Variants in CTNNBL1 observed in about 807,000 individuals in gnomAD.
CTNNBL1 encodes the protein catenin beta like 1.
Under a neutral mutation model 72.7 loss-of-function variants are expected in CTNNBL1, and 31 were observed. The observed-to-expected ratio is 0.43, with a 90% CI of 0.32 to 0.58. CTNNBL1 has a LOEUF of 0.58. Among genes scored for constraint, CTNNBL1 ranks in the 20% least tolerant of loss-of-function variants. The pLI is 0.08. For synonymous variants in CTNNBL1, 240 were observed against 267.3 expected, an observed-to-expected ratio of 0.90 and a Z score of 1.00; for missense variants, 534 against 725.1, an observed-to-expected ratio of 0.74 and a Z score of 3.03.
intron 3 of CTNNBL1, among the ~76,000 whole-genome samples, chr20:37,741,277 G>A (rs532517324): frequency 6.6e-6 from 1 of 152,316 alleles, no homozygotes; most frequent in South Asian, 2.1e-4. Context: ...AGTAGTGTGT[G>A]CTTTAAATGA....
Position 37,842,426 on chromosome 20 carries a change from A to T in CTNNBL1, c.1392+7A>T, listed in dbSNP as rs771275707. 1 of 1,607,860 alleles carries T rather than the reference A, an allele frequency of 6.2e-7. No homozygotes were observed. Among genetic ancestry groups the T allele is most frequent in the Non-Finnish European group, 8.5e-7 (1 of 1,174,310 alleles). ...GATTGAAGGGGAAAAACACGTATGT[A>T]TCCCTGCCTCACTTTTGCCAGCTAT... On this transcript the variant is annotated splice_region_variant and intron_variant, in intron 13 of 15. Coordinates refer to ENST00000361383, the MANE Select transcript of CTNNBL1 (RefSeq NM_030877.5).
chr20:37,744,091 G>A (rs2073241833), intron 3 of CTNNBL1, among the ~76,000 whole-genome samples: 1 of 152,076 alleles, frequency 6.6e-6, no homozygotes, highest in Non-Finnish European at 1.5e-5. Context: ...TTAATATACG[G>A]TGTTTATAAA....
chr20:37,862,871 A>G (rs1415968158), intron 15 of CTNNBL1, among the ~76,000 whole-genome samples: 1 of 152,128 alleles, frequency 6.6e-6, no homozygotes, highest in Non-Finnish European at 1.5e-5. Context: ...CTCTGCATCC[A>G]TTATTCCCAT....
At chr20:37,847,798 G>A (rs2235463) in intron 13 of CTNNBL1, 57,624 of 152,512 alleles carry the variant, frequency 0.38, 11,243 homozygotes, top group Admixed American at 0.49. Context: ...AGTTTGCACC[G>A]TAATGACTTA....
chr20:37,834,650 A>G (rs979162150), intron 11 of CTNNBL1, among the ~76,000 whole-genome samples: 1 of 152,174 alleles, frequency 6.6e-6, no homozygotes, highest in African/African-American at 2.4e-5. Context: ...GAAGCATAAC[A>G]TGGTAGGAAA....
chr20:37,789,481 T>G (rs536487242), intron 10 of CTNNBL1, among the ~76,000 whole-genome samples: 1 of 152,196 alleles, frequency 6.6e-6, no homozygotes, highest in Non-Finnish European at 1.5e-5. Context: ...GTGATCAGAT[T>G]CAGAGGTTCC....
intron 13 of CTNNBL1, among the ~76,000 whole-genome samples, chr20:37,856,314 G>GCA (rs2072440618): frequency 1.3e-5 from 2 of 152,036 alleles, no homozygotes; most frequent in South Asian, 4.1e-4. Context: ...CAAGGAAGAG[G>GCA]CACAGATCTG....
chr20:37,770,330 T>A lies in CTNNBL1; in HGVS notation c.750+2286T>A, dbSNP rs574413910. Reference sequence around the variant, plus strand: ...CTTGAGACATTTTGGGAACAACCAGTGGAGGAGAGGAAAGTAGAGCACCGA... The same window carrying A: ...CTTGAGACATTTTGGGAACAACCAGAGGAGGAGAGGAAAGTAGAGCACCGA... On this transcript the variant is annotated intron_variant, in intron 7 of 15. Transcript: ENST00000361383. Among the ~76,000 whole-genome samples the A allele has an allele frequency of 3.9e-5, 6 of 152,238 alleles. No individual in the cohort carries two copies. The South Asian group carries it at 8.3e-4, about 21-fold the overall frequency.
chr20:37,747,966 T>G (rs780744774), intron 4 of CTNNBL1, among the ~76,000 whole-genome samples: 4 of 152,236 alleles, frequency 2.6e-5, no homozygotes, highest in African/African-American at 4.8e-5. Context: ...AAAACCATTT[T>G]ATACTTTATC....
In CTNNBL1 at chr20:37,702,056, T is replaced by A. The variant is rs191139003; in HGVS notation, c.30+7904T>A. Among the ~76,000 whole-genome samples the A allele has an allele frequency of 5.9e-5, 9 of 152,344 alleles. No individual in the cohort carries two copies. The East Asian group carries it at 9.6e-4, about 16-fold the overall frequency. On this transcript the variant is annotated intron_variant, in intron 1 of 15. Coordinates refer to ENST00000361383, the MANE Select transcript of CTNNBL1 (RefSeq NM_030877.5). The stretch of plus-strand genomic sequence containing the variant: ...TTCCAATTTTATTACAACCTTTTTT[T>A]AAAAAATAGAATCAGGGCCTCCCTG...
At chr20:37,718,812 G>A (rs1052097054) in intron 1 of CTNNBL1, among the ~76,000 whole-genome samples, 4 of 152,252 alleles carry the variant, frequency 2.6e-5, no homozygotes, top group Non-Finnish European at 4.4e-5. Flanking sequence ...AGTGTTGGCT[G>A]AAAGATGATG....
At chr20:37,760,499 T>C (rs1234294580) in intron 5 of CTNNBL1, among the ~76,000 whole-genome samples, 2 of 152,230 alleles carry the variant, frequency 1.3e-5, no homozygotes, top group African/African-American at 4.8e-5. Flanking sequence ...ACTTGTCACA[T>C]TGGATTATAG....
intron 5 of CTNNBL1, among the ~76,000 whole-genome samples, chr20:37,764,369 C>T (rs1185158529): frequency 6.6e-6 from 1 of 152,170 alleles, no homozygotes; most frequent in Non-Finnish European, 1.5e-5. Context: ...TACCTAAGGG[C>T]AGTCTCCTTA....
rs1460664552 is a variant in CTNNBL1, at chr20:37,788,299, T to G, written c.1031+8964T>G. On this transcript the variant is annotated intron_variant, in intron 10 of 15. Coordinates refer to ENST00000361383, the MANE Select transcript of CTNNBL1 (RefSeq NM_030877.5). ...GTCTTCTTCCTCTGTATCTCCAGTA[T>G]CTAGCAAAAGATACACCTTTGGTTT... Among the ~76,000 whole-genome samples the G allele has an allele frequency of 2.6e-5, 4 of 152,216 alleles. No individual in the cohort carries two copies. In the East Asian group the frequency reaches 7.7e-4, roughly 29 times the overall value.
intron 11 of CTNNBL1, among the ~76,000 whole-genome samples, chr20:37,825,629 C>A (rs541425136): frequency 6.6e-6 from 1 of 152,084 alleles, no homozygotes; most frequent in Admixed American, 6.5e-5. Context: ...GAGCCGAGAT[C>A]GTGCCATTGC....
chr20:37,810,668 A>C (rs1260463245), intron 11 of CTNNBL1, among the ~76,000 whole-genome samples: 1 of 152,218 alleles, frequency 6.6e-6, no homozygotes, highest in Non-Finnish European at 1.5e-5. Flanking sequence ...GGAAGGCTTA[A>C]GAGATGAGAT....
intron 1 of CTNNBL1, among the ~76,000 whole-genome samples, chr20:37,710,170 A>C (rs1158765102): frequency 2.0e-5 from 3 of 152,220 alleles, no homozygotes; most frequent in African/African-American, 7.2e-5. Flanking sequence ...CATCATTATG[A>C]ATACATGTTA....
In CTNNBL1 at chr20:37,753,933, C is replaced by A. The variant is rs552328607; in HGVS notation, c.467-3626C>A. Among the ~76,000 whole-genome samples, 16 of 151,332 alleles carry A rather than the reference C, an allele frequency of 1.1e-4. No homozygotes were observed. In the South Asian group the frequency reaches 3.4e-3, roughly 32 times the overall value. On this transcript the variant is annotated intron_variant, in intron 4 of 15. Coordinates refer to ENST00000361383, the MANE Select transcript of CTNNBL1 (RefSeq NM_030877.5). ...GGCAAAGATGAATATGACACGACCC[C>A]AGTTTTACAGATGAGGAAATTAAGC...
intron 1 of CTNNBL1, chr20:37,727,382 G>A: frequency 1.0e-6 from 1 of 983,072 alleles, no homozygotes; most frequent in Non-Finnish European, 1.2e-6. Flanking sequence ...CTATTATCGT[G>A]AAGCCTACTC....
Sources: allele counts gnomAD v4.1 joint callset (sites outside exome capture counted in the v4.1 genomes callset), GRCh38; gene constraint gnomAD v4.1.1; transcripts MANE v1.5; gene names NCBI Gene and HGNC (gene_info 2026-07-23, HGNC 2026-07-21).